Variants in AUTS2 observed in about 807,000 individuals in gnomAD.
AUTS2 encodes the protein autism susceptibility gene 2 protein.
Under a neutral mutation model 112.4 loss-of-function variants are expected in AUTS2, and 17 were observed. The ratio of observed to expected loss-of-function variants is 0.15; its 90% CI spans 0.10 to 0.23. AUTS2 has a LOEUF of 0.23. AUTS2 is among the 10% of genes least tolerant of loss of function. The pLI is 1.00. For missense variants in AUTS2, 1,510 were observed against 1,701.6 expected (o/e 0.89, Z 1.98); for synonymous variants, 751 against 702.7 (o/e 1.07, Z -1.09).
chr7:69,615,906 T>C (rs2129085180), intron 1 of AUTS2, among the ~76,000 whole-genome samples: 1 of 152,332 alleles, frequency 6.6e-6, no homozygotes, highest in African/African-American at 2.4e-5. Flanking sequence ...CATTAAATCG[T>C]CTTTAGTTTA....
intron 6 of AUTS2, among the ~76,000 whole-genome samples, chr7:70,708,917 C>CTT (rs34290500): frequency 1.9e-4 from 26 of 134,654 alleles, no homozygotes; most frequent in Non-Finnish European, 2.8e-4. Context: ...TGTTTAAATA[C>CTT]TTTTTTTTTT....
intron 1 of AUTS2, among the ~76,000 whole-genome samples, chr7:69,862,435 A>G (rs1048130417): frequency 1.3e-5 from 2 of 152,182 alleles, no homozygotes; most frequent in Non-Finnish European, 2.9e-5. Flanking sequence ...GACAGAATGT[A>G]TTTGCATAGC....
intron 1 of AUTS2, among the ~76,000 whole-genome samples, chr7:69,835,661 A>G (rs1245877361): frequency 6.6e-6 from 1 of 152,194 alleles, no homozygotes; most frequent in African/African-American, 2.4e-5. Context: ...GCCATAGAGG[A>G]AGAATAATTT....
At chr7:70,747,243 G>A (rs1788508946) in intron 6 of AUTS2, among the ~76,000 whole-genome samples, 1 of 152,248 alleles carries the variant, frequency 6.6e-6, no homozygotes, top group African/African-American at 2.4e-5. Flanking sequence ...TTGCAGGAAA[G>A]TAGAAGTCAT....
chr7:70,299,662 C>T (rs1789113558), intron 4 of AUTS2, among the ~76,000 whole-genome samples: 1 of 152,198 alleles, frequency 6.6e-6, no homozygotes, highest in Non-Finnish European at 1.5e-5. Flanking sequence ...GCTTCCCTCA[C>T]CTGCCAAGGT....
At chr7:69,920,937 A>G (rs2129542819) in intron 2 of AUTS2, among the ~76,000 whole-genome samples, 1 of 152,310 alleles carries the variant, frequency 6.6e-6, no homozygotes, top group Middle Eastern at 3.4e-3. Flanking sequence ...ATACTCTTGG[A>G]AAAGTTGGTG....
intron 1 of AUTS2, among the ~76,000 whole-genome samples, chr7:69,682,575 A>C (rs1796849699): frequency 6.6e-6 from 1 of 152,174 alleles, no homozygotes; most frequent in African/African-American, 2.4e-5. Context: ...TCATACTCTT[A>C]AGGCTTAATA....
chr7:70,014,246 G>C (rs1799931118), intron 2 of AUTS2, among the ~76,000 whole-genome samples: 1 of 152,178 alleles, frequency 6.6e-6, no homozygotes, highest in African/African-American at 2.4e-5. Context: ...CAAGTAGAAA[G>C]GGAGCTTAAA....
At chr7:70,490,561 G>C (rs570680531) in intron 5 of AUTS2, among the ~76,000 whole-genome samples, 4 of 152,116 alleles carry the variant, frequency 2.6e-5, no homozygotes, top group Non-Finnish European at 5.9e-5. Flanking sequence ...TACCAGCAGA[G>C]TTCCCACCGT....
At position 70,766,069 on chromosome 7, in the gene AUTS2, T is replaced by C; in HGVS notation, c.1469-45T>C. On this transcript the variant is annotated intron_variant, in intron 8 of 18. Transcript: ENST00000342771. The surrounding 1 kb of genome is among the most constrained non-coding windows in gnomAD (Gnocchi z 4.8). ...CACAGGAAGGCAGTCCGATGTCCTTTTCTGAAGGAAAAGGCGTCATCGTCT... is the reference window on the plus strand; with the variant it reads ...CACAGGAAGGCAGTCCGATGTCCTTCTCTGAAGGAAAAGGCGTCATCGTCT... The C allele has an allele frequency of 6.3e-7, 1 of 1,592,038 alleles. No homozygotes were observed. The highest frequency in any genetic ancestry group is 8.6e-7 in the Non-Finnish European group (1 of 1,165,888).
intron 4 of AUTS2, among the ~76,000 whole-genome samples, chr7:70,168,290 C>T (rs1258789809): frequency 1.3e-5 from 2 of 152,138 alleles, no homozygotes; most frequent in Non-Finnish European, 2.9e-5. Context: ...AGATGCCTTT[C>T]CTCACGGTGG....
At chr7:70,297,605 T>G in intron 4 of AUTS2, among the ~76,000 whole-genome samples, 1 of 151,698 alleles carries the variant, frequency 6.6e-6, no homozygotes, top group East Asian at 1.9e-4. Context: ...AATTTTTTTT[T>G]TTATATTTGT....
At chr7:70,734,072 G>A (rs1357945422) in intron 6 of AUTS2, among the ~76,000 whole-genome samples, 1 of 152,074 alleles carries the variant, frequency 6.6e-6, no homozygotes, top group Non-Finnish European at 1.5e-5. Flanking sequence ...CAAGGGCCTT[G>A]ATTCTCATAC....
intron 4 of AUTS2, among the ~76,000 whole-genome samples, chr7:70,353,199 T>G (rs1791844810): frequency 6.6e-6 from 1 of 152,170 alleles, no homozygotes; most frequent in Non-Finnish European, 1.5e-5. Flanking sequence ...AATTGTCCAT[T>G]TATATCCCCA....
chr7:70,701,583 T>A (rs1809463927), intron 6 of AUTS2, among the ~76,000 whole-genome samples: 2 of 152,214 alleles, frequency 1.3e-5, no homozygotes, highest in Admixed American at 6.5e-5. Context: ...TGTTTAGGTG[T>A]TCCGAATGGT....
intron 1 of AUTS2, among the ~76,000 whole-genome samples, chr7:69,625,485 C>T (rs1793900961): frequency 6.6e-6 from 1 of 151,976 alleles, no homozygotes; most frequent in South Asian, 2.1e-4. Flanking sequence ...GACTGGTTTC[C>T]TTTCTTTTTT....
rs151150428 is a variant in AUTS2, at chr7:70,622,835, T to C, written c.691-75734T>C. Among the ~76,000 whole-genome samples the C allele has an allele frequency of 1.6e-3, 249 of 152,310 alleles. 1 individual carries two copies. The highest frequency in any genetic ancestry group is 5.5e-3 in the African/African-American group (227 of 41,578). On this transcript the variant is annotated intron_variant, in intron 5 of 18. Transcript: ENST00000342771. ...AAAGGGCCAAACTTAGCCAAAACCA[T>C]TGGCCGCTGATACTCTTGTGAAGAC...
At chr7:70,185,387 G>A (rs1206181968) in intron 4 of AUTS2, among the ~76,000 whole-genome samples, 1 of 147,744 alleles carries the variant, frequency 6.8e-6, no homozygotes, top group Non-Finnish European at 1.5e-5. Context: ...GATTACAGTT[G>A]TGAGCCACCG....
intron 1 of AUTS2, among the ~76,000 whole-genome samples, chr7:69,650,293 T>C (rs1220755916): frequency 6.6e-6 from 1 of 152,180 alleles, no homozygotes; most frequent in Non-Finnish European, 1.5e-5. Context: ...TTGTACTCTT[T>C]CTATCAATAA....
Sources: allele counts gnomAD v4.1 joint callset (sites outside exome capture counted in the v4.1 genomes callset), GRCh38; gene constraint gnomAD v4.1.1; non-coding constraint Gnocchi (gnomAD v3.1); transcripts MANE v1.5; gene names NCBI Gene and HGNC (gene_info 2026-07-23, HGNC 2026-07-21).